The following ABI1 variants were observed in gnomAD, a reference collection of about 807,000 sequenced individuals.
The protein encoded by ABI1 is abl interactor 1.
Under a neutral mutation model 54.6 loss-of-function variants are expected in ABI1, and 14 were observed. That is an observed-to-expected ratio of 0.26 (90% CI 0.17 to 0.40). The LOEUF (loss-of-function observed/expected upper bound fraction) is 0.40. ABI1 is among the 10% of genes least tolerant of loss of function. The pLI, the probability that ABI1 is intolerant of heterozygous loss-of-function variation, is 1.00. For synonymous variants in ABI1, 194 were observed against 209.3 expected, an observed-to-expected ratio of 0.93 and a Z score of 0.63; for missense variants, 443 against 598.3, an observed-to-expected ratio of 0.74 and a Z score of 2.71.
In ABI1 at chr10:26,797,930, C is replaced by T. The variant is rs143815422; in HGVS notation, c.286-20689G>A. 6.6e-4 allele frequency among the ~76,000 whole-genome samples: 101 copies of T among 152,214 alleles called. 1 individual carries two copies. The East Asian group carries it at 0.019, about 29-fold the overall frequency. ...GTCATTATTACCTTACTAATATAAG[C>T]AATGCCAACTAGAGCAATATGGCAC... is the stretch of plus-strand genomic sequence containing the variant. On this transcript the variant is annotated intron_variant, in intron 2 of 10. Coordinates refer to ENST00000376140, the MANE Select transcript of ABI1 (RefSeq NM_001012750.3).
At position 26,773,215 on chromosome 10, in the gene ABI1, C is replaced by CTTTTTTTTTTTTTTTTTTTTTTTTTT. The variant is rs58739177; in HGVS notation, c.463-2127_463-2126insAAAAAAAAAAAAAAAAAAAAAAAAAA. On this transcript the variant is annotated intron_variant, in intron 3 of 10. Transcript: ENST00000376140. Reference sequence around the variant, plus strand: ...AGGCACTAAATGTCTAATGCTAATTCTTTTTTTTTTTTTGCTGGCTCTGTT... The same window carrying CTTTTTTTTTTTTTTTTTTTTTTTTTT: ...AGGCACTAAATGTCTAATGCTAATTCTTTTTTTTTTTTTTTTTTTTTTTTTTTTTTTTTTTTTTTGCTGGCTCTGTT... Among the ~76,000 whole-genome samples the CTTTTTTTTTTTTTTTTTTTTTTTTTT allele has an allele frequency of 9.0e-3, 833 of 92,292 alleles. 156 individuals are homozygous for CTTTTTTTTTTTTTTTTTTTTTTTTTT. Among genetic ancestry groups the CTTTTTTTTTTTTTTTTTTTTTTTTTT allele is most frequent in the South Asian group, 0.015 (38 of 2,454 alleles). The allele number at this position is 92,292 out of a possible 152,430, so 60.5% of individuals were successfully genotyped here.
At chr10:26,821,691 T>A (rs1162617522) in intron 2 of ABI1, among the ~76,000 whole-genome samples, 1 of 150,720 alleles carries the variant, frequency 6.6e-6, no homozygotes, top group African/African-American at 2.4e-5. Context: ...TCTAGCTACT[T>A]GGGAGGCTGA....
At chr10:26,839,583 G>C (rs989533644) in intron 1 of ABI1, 49 of 552,698 alleles carry the variant, frequency 8.9e-5, no homozygotes, top group African/African-American at 8.0e-4. Flanking sequence ...TACTAGGTAG[G>C]GTGGTAGTTA....
Position 26,747,464 on chromosome 10 carries a change from G to A in ABI1, c.*1106C>T, listed in dbSNP as rs190137961. On this transcript the variant is annotated 3_prime_UTR_variant, in exon 11 of 11. Transcript: ENST00000376140. ...AAAATTCTAATGTTGCTAGTGCCAG[G>A]TAATGGATTAAAGAGTGCCTACTCA... The A allele has an allele frequency of 1.1e-3, 226 of 212,712 alleles. 1 individual carries two copies. Among genetic ancestry groups the A allele is most frequent in the African/African-American group, 4.4e-3 (195 of 44,244 alleles). The allele number at this position is 212,712 out of a possible 1,614,324, so 13.2% of individuals were successfully genotyped here.
intron 1 of ABI1, among the ~76,000 whole-genome samples, chr10:26,842,393 T>C (rs932258036): frequency 6.6e-6 from 1 of 152,262 alleles, no homozygotes; most frequent in African/African-American, 2.4e-5. Context: ...ATTTTGTTGA[T>C]TGTTTCCTTT....
At chr10:26,761,661 T>TATATATATAC (rs1375832167) in intron 7 of ABI1, among the ~76,000 whole-genome samples, 76 of 78,890 alleles carry the variant, frequency 9.6e-4, no homozygotes, top group South Asian at 3.0e-3. Context: ...TATATATATA[T>TATATATATAC]ACACACACAC....
At chr10:26,842,804 T>G (rs1000689987) in intron 1 of ABI1, among the ~76,000 whole-genome samples, 1 of 152,124 alleles carries the variant, frequency 6.6e-6, no homozygotes, top group African/African-American at 2.4e-5. Flanking sequence ...CCCAGCACTT[T>G]AGGAGGCCGA....
At chr10:26,811,778 AATTTATGCAAAGATTTGTATAAATTTAT>A (rs2047250799) in intron 2 of ABI1, among the ~76,000 whole-genome samples, 1 of 137,198 alleles carries the variant, frequency 7.3e-6, no homozygotes, top group East Asian at 2.8e-4. Context: ...AATTTGTATA[AATTTATGCAAAGATTTGTATAAATTTAT>A]GCAAAGATTT....
In ABI1 at chr10:26,770,466, T is replaced by A. The variant is rs1387763272; in HGVS notation, c.478-121A>T. On this transcript the variant is annotated intron_variant, in intron 4 of 10. Coordinates refer to ENST00000376140, the MANE Select transcript of ABI1 (RefSeq NM_001012750.3). ...ATTAAGGATTCCCAGACAGTTTGAA[T>A]AAAGACTTTGGTACTACAGTTTAAA... The A allele has an allele frequency of 4.8e-6, 5 of 1,035,482 alleles. No homozygotes were observed. In the Admixed American group the frequency reaches 5.1e-5, roughly 11 times the overall value. The allele number at this position is 1,035,482 out of a possible 1,614,324, so 64.1% of individuals were successfully genotyped here. A position where few individuals can be genotyped will look rare whatever the true frequency, so the allele number is the denominator to read the frequency against.
intron 2 of ABI1, among the ~76,000 whole-genome samples, chr10:26,800,339 C>T (rs1165072637): frequency 6.6e-6 from 1 of 151,990 alleles, no homozygotes; most frequent in Non-Finnish European, 1.5e-5. Context: ...GGGCCAAGAT[C>T]GCGCCACTGC....
rs1198725967 is a variant in ABI1, at chr10:26,746,661, T to C, written c.*1909A>G. ...CAGAAAACTTTTTAAATGTAATTAATAAACCACCTGAATCTGTCATTCTAG... is the reference window on the plus strand; with the variant it reads ...CAGAAAACTTTTTAAATGTAATTAACAAACCACCTGAATCTGTCATTCTAG... On this transcript the variant is annotated 3_prime_UTR_variant, in exon 11 of 11. Transcript: ENST00000376140. 3 of 596,338 alleles carry C rather than the reference T, an allele frequency of 5.0e-6. No homozygotes were observed. Among genetic ancestry groups the C allele is most frequent in the Non-Finnish European group, 8.9e-6 (3 of 336,336 alleles). The allele number at this position is 596,338 out of a possible 1,614,324, so 36.9% of individuals were successfully genotyped here.
At chr10:26,751,878 G>A in intron 9 of ABI1, 95 bp from the exon 10 acceptor site, 1 of 1,084,434 alleles carries the variant, frequency 9.2e-7, no homozygotes, top group Non-Finnish European at 1.3e-6. Context: ...CTTAAGTACA[G>A]CATGCACTAT....
chr10:26,832,625 G>C (rs1366678863), intron 1 of ABI1, among the ~76,000 whole-genome samples: 1 of 151,934 alleles, frequency 6.6e-6, no homozygotes, highest in Non-Finnish European at 1.5e-5. Flanking sequence ...AATAATGTAT[G>C]TTAACACCAA....
intron 2 of ABI1, among the ~76,000 whole-genome samples, chr10:26,779,783 T>C (rs1841876257): frequency 6.6e-6 from 1 of 152,162 alleles, no homozygotes; most frequent in African/African-American, 2.4e-5. Flanking sequence ...CATTTTCTGG[T>C]GGTATAACCG....
chr10:26,795,141 C>CAA (rs200953543), intron 2 of ABI1, among the ~76,000 whole-genome samples: 19,590 of 110,478 alleles, frequency 0.18, 1,778 homozygotes, highest in African/African-American at 0.32. Context: ...GAGACTGTCT[C>CAA]AAAAAAAAAA....
rs1361746225 is a variant in ABI1 at position 26,768,860 on chromosome 10, C to T, written c.711G>A (p.Arg237=). Residue 237 remains arginine, a synonymous_variant, in exon 6 of 11, where the codon AGG becomes AGA. Transcript: ENST00000376140. The part of the protein sequence containing the change: ...GRTASLNQRP[R]THSGSSGGSG... ...TCAACCTAAAGGCTTACCTGTGTGT[C>T]CTTGGTCTCTGATTTAAAGATGCTG... is the stretch of plus-strand genomic sequence containing the variant. 9 of 1,612,734 alleles carry T rather than the reference C, an allele frequency of 5.6e-6. No homozygotes were observed. Among genetic ancestry groups the T allele is most frequent in the Middle Eastern group, 3.3e-4 (2 of 6,048 alleles).
chr10:26,831,010 C>T (rs2048636842), intron 1 of ABI1, among the ~76,000 whole-genome samples: 1 of 152,126 alleles, frequency 6.6e-6, no homozygotes, highest in Admixed American at 6.6e-5. Context: ...GATCCTCCCA[C>T]CTCAGCCTCC....
intron 2 of ABI1, among the ~76,000 whole-genome samples, chr10:26,806,107 T>C (rs2046859605): frequency 6.6e-6 from 1 of 152,188 alleles, no homozygotes; most frequent in Non-Finnish European, 1.5e-5. Flanking sequence ...AAGACCCAAT[T>C]CAACTGTTAT....
At chr10:26,790,281 C>T (rs1278063795) in intron 2 of ABI1, among the ~76,000 whole-genome samples, 1 of 152,180 alleles carries the variant, frequency 6.6e-6, no homozygotes, top group Non-Finnish European at 1.5e-5. Context: ...TCTCCACAAC[C>T]TCGCCAGCAT....
Sources: gnomAD v4.1 joint callset for allele counts (sites outside exome capture counted in the v4.1 genomes callset) on GRCh38, gnomAD v4.1.1 for gene constraint, MANE v1.5 for transcripts, NCBI Gene and HGNC (gene_info 2026-07-23, HGNC 2026-07-21) for gene names.